CACTIN: variants seen among roughly 807,000 people sequenced by gnomAD.
The protein encoded by CACTIN is splicing factor Cactin.
Under a neutral mutation model 84.9 loss-of-function variants are expected in CACTIN, and 20 were observed. The ratio of observed to expected loss-of-function variants is 0.24; its 90% CI spans 0.17 to 0.34. The LOEUF (loss-of-function observed/expected upper bound fraction) is 0.34, where lower values mean the gene tolerates loss of function less well. Among genes scored for constraint, CACTIN ranks in the 10% least tolerant of loss-of-function variants. The pLI is 1.00. For missense variants in CACTIN, 897 were observed against 1,117.2 expected, an observed-to-expected ratio of 0.80 and a Z score of 2.81; for synonymous variants, 549 against 467.9, an observed-to-expected ratio of 1.17 and a Z score of -2.24.
chr19:3,619,896 C>T (rs1160334780), intron 4 of CACTIN, among the ~76,000 whole-genome samples: 2 of 152,162 alleles, frequency 1.3e-5, no homozygotes, highest in Non-Finnish European at 2.9e-5. Flanking sequence ...GGACTGGCGT[C>T]CAGCATGCGT....
chr19:3,611,168 T>C lies in CACTIN; in HGVS notation c.*755A>G. 1 of 396,386 alleles carries C rather than the reference T, an allele frequency of 2.5e-6. No individual in the cohort carries two copies. Among genetic ancestry groups the C allele is most frequent in the Non-Finnish European group, 5.1e-6 (1 of 196,570 alleles). 24.6% of individuals were successfully genotyped at this position (396,386 alleles called of 1,614,324 possible). On this transcript the variant is annotated 3_prime_UTR_variant, in exon 10 of 10. Transcript: ENST00000429344. ...TGCTCAGAGGTGGGGGGAGGACGGC[T>C]CAGTGACTTTTGGTTCCCACGACCT...
rs1382385820 is a variant in CACTIN, at chr19:3,611,602, A to T, written c.*321T>A. ...CCAGCCTGGCTGAGGGGCGGTGGAG[A>T]GTGTCCGCCTGGACGGTGAGGTCAG... On this transcript the variant is annotated 3_prime_UTR_variant, in exon 10 of 10. Transcript: ENST00000429344. 36 of 403,194 alleles carry T rather than the reference A, an allele frequency of 8.9e-5. No homozygotes were observed. In the Admixed American group the frequency reaches 1.3e-3, roughly 14 times the overall value. 25.0% of individuals were successfully genotyped at this position (403,194 alleles called of 1,614,324 possible).
rs1321611078 is a variant in CACTIN, at chr19:3,614,384, A to G, written c.1355+13T>C. 5 of 1,560,844 alleles carry G rather than the reference A, an allele frequency of 3.2e-6. No individual in the cohort carries two copies. The South Asian group carries it at 3.5e-5, about 11-fold the overall frequency. ...GGACGGCACCAACCCTGGTACCCGC[A>G]CCTAGTGCTCACCGGGCCCGTGCCA... On this transcript the variant is annotated intron_variant, in intron 7 of 9. Transcript: ENST00000429344.
At position 3,626,590 on chromosome 19, in the gene CACTIN, C is replaced by T. The variant is rs749827680; in HGVS notation, c.167+6G>A. On this transcript the variant is annotated splice_donor_region_variant and intron_variant, in intron 1 of 9. Transcript: ENST00000429344. ...ATCCCCAGCGCTGCTCCCGCAGCGA[C>T]CCCACCTGCGCTCCCGGCTCCGCCG... 1.4e-6 allele frequency: 2 copies of T among 1,451,082 alleles called. No individual in the cohort carries two copies. The highest frequency in any genetic ancestry group is 2.4e-5 in the Admixed American group (1 of 41,430). The allele number at this position is 1,451,082 out of a possible 1,614,324, so 89.9% of individuals were successfully genotyped here.
intron 6 of CACTIN, among the ~76,000 whole-genome samples, chr19:3,617,601 G>C (rs768989126): frequency 6.6e-6 from 1 of 151,518 alleles, no homozygotes; most frequent in Non-Finnish European, 1.5e-5. Context: ...GCCGGGCCCA[G>C]GGCAACGCTG....
chr19:3,611,332 C>G lies in CACTIN; in HGVS notation c.*591G>C, dbSNP rs913649703. ...GAGGGTCTCTTCTGCAGTGGCGGAT[C>G]GGGCGCCAGCAGGGTCCCGGCCTCA... On this transcript the variant is annotated 3_prime_UTR_variant, in exon 10 of 10. Coordinates refer to ENST00000429344, the MANE Select transcript of CACTIN (RefSeq NM_001080543.2). 7 of 454,082 alleles carry G rather than the reference C, an allele frequency of 1.5e-5. No individual in the cohort carries two copies. Among genetic ancestry groups the G allele is most frequent in the African/African-American group, 1.4e-4 (7 of 49,958 alleles). The allele number at this position is 454,082 out of a possible 1,614,324, so 28.1% of individuals were successfully genotyped here. A position where few individuals can be genotyped will look rare whatever the true frequency, so the allele number is the denominator to read the frequency against.
Position 3,613,223 on chromosome 19 carries a change from G to T in CACTIN, c.1621C>A (p.Leu541Ile). 1 of 1,610,104 alleles carries T rather than the reference G, an allele frequency of 6.2e-7. No homozygotes were observed. Among genetic ancestry groups the T allele is most frequent in the South Asian group, 1.1e-5 (1 of 90,974 alleles). Residue 541 changes from leucine (L) to isoleucine (I), a missense_variant, in exon 9 of 10, where the codon CTC becomes ATC. Physicochemically the swap from Leu to Ile is conservative, Grantham distance 5 (BLOSUM62 2). Coordinates refer to ENST00000429344, the MANE Select transcript of CACTIN (RefSeq NM_001080543.2). Reference protein sequence around the residue: ...GEGEGEGEAVLMEEDLIQQSL... With the variant: ...GEGEGEGEAVIMEEDLIQQSL... ...TGCTGGATCAGGTCCTCCTCCATGA[G>T]CACCGCCTCGCCCTCGCCCTCGCCC...
intron 2 of CACTIN, among the ~76,000 whole-genome samples, chr19:3,623,092 C>T (rs938050020): frequency 3.9e-5 from 6 of 152,080 alleles, no homozygotes; most frequent in Admixed American, 3.9e-4. Flanking sequence ...AAAAATTAGC[C>T]GGGCATGGTG....
At chr19:3,614,024 G>C in intron 7 of CACTIN, 1 of 461,462 alleles carries the variant, frequency 2.2e-6, no homozygotes, top group Non-Finnish European at 4.0e-6. Context: ...CTGGGAGGGC[G>C]CAGGCCTGGG....
At chr19:3,618,853 C>G in intron 6 of CACTIN, 22 bp downstream of exon 6, 1 of 1,529,668 alleles carries the variant, frequency 6.5e-7, no homozygotes, top group Non-Finnish European at 8.8e-7. Flanking sequence ...CCCCTGGAGC[C>G]CAGGCCCATG....
chr19:3,624,857 G>A (rs60737085), intron 1 of CACTIN, among the ~76,000 whole-genome samples: 5,432 of 152,100 alleles, frequency 0.036, 242 homozygotes, highest in African/African-American at 0.1. Context: ...ATTTATTAGA[G>A]ACAAGGTCTA....
chr19:3,622,075 T>C (rs1405628777), intron 2 of CACTIN, among the ~76,000 whole-genome samples: 1 of 152,040 alleles, frequency 6.6e-6, no homozygotes, highest in Non-Finnish European at 1.5e-5. Context: ...CCATGTGAAA[T>C]GAGGTCTTGG....
Position 3,613,591 on chromosome 19 carries a change from G to T in CACTIN, c.1356-5C>A. 1 of 1,599,092 alleles carries T rather than the reference G, an allele frequency of 6.3e-7. No homozygotes were observed. The highest frequency in any genetic ancestry group is 8.5e-7 in the Non-Finnish European group (1 of 1,178,272). ...TCCTGGTGGCGCTCACGCAGCCTGGGACGCAGAGCCGGGGTCACCCGCATG... is the reference window on the plus strand; with the variant it reads ...TCCTGGTGGCGCTCACGCAGCCTGGTACGCAGAGCCGGGGTCACCCGCATG... On this transcript the variant is annotated splice_region_variant and splice_polypyrimidine_tract_variant and intron_variant, in intron 7 of 9. Coordinates refer to ENST00000429344, the MANE Select transcript of CACTIN (RefSeq NM_001080543.2).
At position 3,610,734 on chromosome 19, in the gene CACTIN, C is replaced by T. The variant is rs1480849361; in HGVS notation, c.*1189G>A. ...AACAAAAGATTTTTTTTCCCACCTA[C>T]AAGTCTTTTTAGAGAAACAAACGGA... On this transcript the variant is annotated 3_prime_UTR_variant, in exon 10 of 10. Coordinates refer to ENST00000429344, the MANE Select transcript of CACTIN (RefSeq NM_001080543.2). The T allele has an allele frequency of 6.6e-6, 3 of 456,774 alleles. No homozygotes were observed. In the Admixed American group the frequency reaches 7.1e-5, roughly 11 times the overall value. 28.3% of individuals were successfully genotyped at this position (456,774 alleles called of 1,614,324 possible). A position where few individuals can be genotyped will look rare whatever the true frequency, so the allele number is the denominator to read the frequency against.
At position 3,615,635 on chromosome 19, in the gene CACTIN, G is replaced by C. The variant is rs1262236411; in HGVS notation, c.1163-1046C>G. The C allele has an allele frequency of 6.6e-6, 1 of 152,342 alleles. No homozygotes were observed. The highest frequency in any genetic ancestry group is 1.5e-5 in the Non-Finnish European group (1 of 68,206). 9.4% of individuals were successfully genotyped at this position (152,342 alleles called of 1,614,324 possible). ...ATGGGGCTGGCTGCTGCTGTTCCCTGTGCCATGCTGGGCCCACAGGGAGCT... is the reference window on the plus strand; with the variant it reads ...ATGGGGCTGGCTGCTGCTGTTCCCTCTGCCATGCTGGGCCCACAGGGAGCT... On this transcript the variant is annotated intron_variant, in intron 6 of 9. Coordinates refer to ENST00000429344, the MANE Select transcript of CACTIN (RefSeq NM_001080543.2). The surrounding 1 kb of genome is among the most constrained non-coding windows in gnomAD (Gnocchi z 5.2).
intron 7 of CACTIN, chr19:3,613,910 A>C: frequency 2.2e-6 from 1 of 453,114 alleles, no homozygotes; most frequent in Non-Finnish European, 4.0e-6. Context: ...AGCATGATAA[A>C]TTTAGAGACA....
rs1213969420 is a variant in CACTIN at position 3,612,397 on chromosome 19, G to A, written c.1803C>T (p.Ser601=). 1.9e-6 allele frequency: 3 copies of A among 1,596,406 alleles called. No individual in the cohort carries two copies. In the South Asian group the frequency reaches 3.3e-5, roughly 18 times the overall value. The part of the protein sequence containing the change: ...QLQVTGDASE[S]AEDIFFRRAK... ...CCCGCCGGAAGAAGATGTCCTCGGC[G>A]CTCTCGCTGGCGTCTCCTGCGGGCG... Residue 601 remains serine, a synonymous_variant, in exon 10 of 10, where the codon AGC becomes AGT. Transcript: ENST00000429344.
At position 3,611,895 on chromosome 19, in the gene CACTIN, G is replaced by C. The variant is rs1484972731; in HGVS notation, c.*28C>G. ...GAAGCCCCTTTACTGTGCCCCCGAGGACACCTGCCTGCCGTTCCCCAGGGC... is the reference window on the plus strand; with the variant it reads ...GAAGCCCCTTTACTGTGCCCCCGAGCACACCTGCCTGCCGTTCCCCAGGGC... On this transcript the variant is annotated 3_prime_UTR_variant, in exon 10 of 10. Transcript: ENST00000429344. 5 of 1,609,228 alleles carry C rather than the reference G, an allele frequency of 3.1e-6. No individual in the cohort carries two copies. The highest frequency in any genetic ancestry group is 4.2e-6 in the Non-Finnish European group (5 of 1,179,028).
intron 2 of CACTIN, among the ~76,000 whole-genome samples, chr19:3,622,095 G>C (rs2033236566): frequency 6.6e-6 from 1 of 152,178 alleles, no homozygotes; most frequent in South Asian, 2.1e-4. Flanking sequence ...GCCAGGTATG[G>C]TGGCTGACAC....
Sources: gnomAD v4.1 joint callset for allele counts (sites outside exome capture counted in the v4.1 genomes callset) on GRCh38, gnomAD v4.1.1 for gene constraint, Gnocchi (gnomAD v3.1) non-coding constraint, MANE v1.5 for transcripts, NCBI Gene and HGNC (gene_info 2026-07-23, HGNC 2026-07-21) for gene names.